Variants in KCNH5 observed in about 807,000 individuals in gnomAD.
The protein encoded by KCNH5 is potassium voltage-gated channel subfamily H member 5, also known as voltage-gated delayed rectifier potassium channel KCNH5.
KCNH5 carries 46 observed loss-of-function variants against 96.1 expected under a neutral mutation model. That is an observed-to-expected ratio of 0.48 (90% confidence interval 0.38 to 0.61). The LOEUF is 0.61. KCNH5 is among the 20% of genes least tolerant of loss of function. The pLI is 0.00. For missense variants in KCNH5, 907 were observed against 1,225.8 expected, an observed-to-expected ratio of 0.74 and a Z score of 3.88; for synonymous variants, 439 against 449.8, an observed-to-expected ratio of 0.98 and a Z score of 0.30.
intron 1 of KCNH5, among the ~76,000 whole-genome samples, chr14:63,026,495 C>T (rs1891526583): frequency 6.9e-6 from 1 of 145,758 alleles, no homozygotes; most frequent in African/African-American, 2.7e-5. Context: ...ATATAAGAAA[C>T]TCAACTTGAT....
chr14:62,790,773 TAA>T (rs1178478053), intron 9 of KCNH5, among the ~76,000 whole-genome samples: 2 of 151,804 alleles, frequency 1.3e-5, no homozygotes, highest in South Asian at 2.1e-4. Flanking sequence ...CTTTTTCAGC[TAA>T]GTCATTATTT....
chr14:62,853,275 G>T (rs1042309797), intron 7 of KCNH5, among the ~76,000 whole-genome samples: 2 of 151,558 alleles, frequency 1.3e-5, no homozygotes, highest in Non-Finnish European at 2.9e-5. Context: ...CTAAACCTCC[G>T]TTGGCCTCTA....
chr14:62,970,709 T>C (rs1477329745), intron 6 of KCNH5, among the ~76,000 whole-genome samples: 2 of 152,138 alleles, frequency 1.3e-5, no homozygotes, highest in African/African-American at 2.4e-5. Flanking sequence ...TGAGAGTCAG[T>C]TAATGTAATC....
intron 2 of KCNH5, among the ~76,000 whole-genome samples, chr14:63,009,052 C>A (rs1353738248): frequency 6.6e-6 from 1 of 151,834 alleles, no homozygotes; most frequent in East Asian, 1.9e-4. Flanking sequence ...GAAAGAAAAA[C>A]CATTTCACAC....
intron 10 of KCNH5, among the ~76,000 whole-genome samples, chr14:62,754,883 ATAAAG>A (rs1885585269): frequency 7.6e-6 from 1 of 131,154 alleles, no homozygotes; most frequent in Admixed American, 7.2e-5. Flanking sequence ...TAAAAATAAA[ATAAAG>A]TAAAATAAAA....
intron 8 of KCNH5, among the ~76,000 whole-genome samples, chr14:62,828,823 T>A (rs243158): frequency 0.67 from 102,394 of 151,954 alleles, 36,198 homozygotes; most frequent in East Asian, 0.89. Flanking sequence ...CCCAAAGTCT[T>A]AAGTCATTCC....
chr14:62,903,309 C>A (rs1005702185), intron 7 of KCNH5, among the ~76,000 whole-genome samples: 3 of 152,144 alleles, frequency 2.0e-5, no homozygotes, highest in African/African-American at 7.2e-5. Context: ...CATTCCTCAT[C>A]TGTATTATGC....
chr14:62,764,292 T>C (rs1210074585), intron 10 of KCNH5, among the ~76,000 whole-genome samples: 1 of 152,156 alleles, frequency 6.6e-6, no homozygotes, highest in East Asian at 1.9e-4. Flanking sequence ...TCTCAATAGA[T>C]ACAGAAAAGG....
At chr14:62,895,676 C>T (rs979106942) in intron 7 of KCNH5, among the ~76,000 whole-genome samples, 1 of 152,068 alleles carries the variant, frequency 6.6e-6, no homozygotes, top group African/African-American at 2.4e-5. Context: ...GCACCATATG[C>T]CATACCTATA....
At chr14:62,770,071 T>C (rs1885952622) in intron 10 of KCNH5, among the ~76,000 whole-genome samples, 1 of 152,198 alleles carries the variant, frequency 6.6e-6, no homozygotes, top group Non-Finnish European at 1.5e-5. Flanking sequence ...TCTACTATTT[T>C]GTTTAGCTAA....
intron 10 of KCNH5, among the ~76,000 whole-genome samples, chr14:62,763,026 C>T (rs894821346): frequency 1.3e-5 from 2 of 152,134 alleles, no homozygotes; most frequent in Non-Finnish European, 2.9e-5. Flanking sequence ...CTAAATTCAA[C>T]ACTTGATCCA....
intron 8 of KCNH5, among the ~76,000 whole-genome samples, chr14:62,815,086 A>C (rs1371740990): frequency 6.6e-6 from 1 of 152,208 alleles, no homozygotes; most frequent in African/African-American, 2.4e-5. Context: ...CACATAATGA[A>C]CCGCTATTCA....
In KCNH5 at chr14:62,705,133, A is replaced by C. The variant is rs1242274784; in HGVS notation, c.*2375T>G. The C allele has an allele frequency of 6.6e-6, 1 of 152,020 alleles. No homozygotes were observed. The highest frequency in any genetic ancestry group is 1.5e-5 in the Non-Finnish European group (1 of 67,860). 9.4% of individuals were successfully genotyped at this position (152,020 alleles called of 1,614,324 possible). A position where few individuals can be genotyped will look rare whatever the true frequency, so the allele number is the denominator to read the frequency against. The stretch of plus-strand genomic sequence containing the variant: ...CATTATGTTTCTCACATATATGAAC[A>C]ATAACATTGTAGGTCGATTAGGTGA... On this transcript the variant is annotated 3_prime_UTR_variant, in exon 11 of 11. Transcript: ENST00000322893.
intron 7 of KCNH5, among the ~76,000 whole-genome samples, chr14:62,900,068 T>A (rs921202064): frequency 6.6e-6 from 1 of 152,190 alleles, no homozygotes; most frequent in Non-Finnish European, 1.5e-5. Context: ...GCATTCTCCA[T>A]GTTTCAGTCT....
chr14:62,790,285 A>G (rs1217381059), intron 9 of KCNH5, among the ~76,000 whole-genome samples: 1 of 151,704 alleles, frequency 6.6e-6, no homozygotes, highest in Non-Finnish European at 1.5e-5. Flanking sequence ...CCAGTACCAT[A>G]CCGTTTTAAT....
chr14:62,917,285 CAT>C (rs1203636357), intron 7 of KCNH5, among the ~76,000 whole-genome samples: 1 of 151,058 alleles, frequency 6.6e-6, no homozygotes, highest in African/African-American at 2.4e-5. Flanking sequence ...GACCTGAAAT[CAT>C]GTGTTTACTG....
intron 9 of KCNH5, among the ~76,000 whole-genome samples, chr14:62,801,848 A>T (rs565028153): frequency 6.6e-6 from 1 of 152,056 alleles, no homozygotes; most frequent in South Asian, 2.1e-4. Flanking sequence ...TGAGGGAGAA[A>T]GTTCTGGGGT....
intron 4 of KCNH5, among the ~76,000 whole-genome samples, chr14:62,998,420 A>AT (rs1890950132): frequency 6.6e-6 from 1 of 151,872 alleles, no homozygotes; most frequent in Non-Finnish European, 1.5e-5. Context: ...GGTTTTTGTG[A>AT]TTTTCTCTAA....
chr14:63,017,870 T>C (rs79972029), intron 1 of KCNH5, among the ~76,000 whole-genome samples: 2,440 of 152,058 alleles, frequency 0.016, 74 homozygotes, highest in African/African-American at 0.055. Flanking sequence ...TTTAGAAGAC[T>C]TTAAATCCTC....
Sources: gnomAD v4.1 joint callset for allele counts (sites outside exome capture counted in the v4.1 genomes callset) on GRCh38, gnomAD v4.1.1 for gene constraint, MANE v1.5 for transcripts, NCBI Gene and HGNC (gene_info 2026-07-23, HGNC 2026-07-21) for gene names.